Variants in TAFA5 observed in about 807,000 individuals in gnomAD.
TAFA5 encodes chemokine-like protein TAFA-5.
A neutral mutation model predicts 15.3 loss-of-function variants in TAFA5; 6 were observed. That is an observed-to-expected ratio of 0.39 (90% CI 0.21 to 0.77). TAFA5 has a LOEUF of 0.77. Among genes scored for constraint, TAFA5 ranks in the 30% least tolerant of loss-of-function variants. The pLI is 0.41. For missense variants in TAFA5, 161 were observed against 193.1 expected, an observed-to-expected ratio of 0.83 and a Z score of 0.98; for synonymous variants, 103 against 80.7, an observed-to-expected ratio of 1.28 and a Z score of -1.48.
chr22:48,519,002 T>A (rs1210759533), intron 1 of TAFA5, among the ~76,000 whole-genome samples: 5 of 152,014 alleles, frequency 3.3e-5, no homozygotes, highest in Non-Finnish European at 7.4e-5. Context: ...GGCTCACGTC[T>A]GCAGTGCAGC....
chr22:48,562,118 T>C (rs538878993), intron 1 of TAFA5, among the ~76,000 whole-genome samples: 1 of 152,270 alleles, frequency 6.6e-6, no homozygotes, highest in African/African-American at 2.4e-5. Context: ...AGCCCCCTCA[T>C]TTCCCCAGAG....
At chr22:48,721,584 A>G (rs1446407908) in intron 3 of TAFA5, among the ~76,000 whole-genome samples, 2 of 152,230 alleles carry the variant, frequency 1.3e-5, no homozygotes, top group Admixed American at 6.5e-5. Flanking sequence ...ATTGGTTTAT[A>G]ATCCTTATAA....
At chr22:48,610,651 G>A (rs1022316606) in intron 1 of TAFA5, among the ~76,000 whole-genome samples, 8 of 151,030 alleles carry the variant, frequency 5.3e-5, no homozygotes, top group African/African-American at 1.2e-4. Flanking sequence ...GCTTCGGGCC[G>A]TGTTGAGCTG....
At chr22:48,577,751 C>T (rs1314445283) in intron 1 of TAFA5, among the ~76,000 whole-genome samples, 3 of 152,190 alleles carry the variant, frequency 2.0e-5, no homozygotes, top group Non-Finnish European at 2.9e-5. Flanking sequence ...TGGATGTGGG[C>T]ACCTAGTACA....
chr22:48,541,967 C>T (rs943700849), intron 1 of TAFA5, among the ~76,000 whole-genome samples: 4 of 152,096 alleles, frequency 2.6e-5, no homozygotes, highest in Non-Finnish European at 4.4e-5. Flanking sequence ...GAGTGCAGGG[C>T]CTGGGAGGCC....
At chr22:48,578,283 C>T (rs1349188662) in intron 1 of TAFA5, among the ~76,000 whole-genome samples, 10 of 152,218 alleles carry the variant, frequency 6.6e-5, no homozygotes, top group Admixed American at 6.5e-4. Flanking sequence ...GGGAGAAGCT[C>T]CTGGCCATGT....
At chr22:48,501,178 A>G (rs559411593) in intron 1 of TAFA5, among the ~76,000 whole-genome samples, 4 of 152,174 alleles carry the variant, frequency 2.6e-5, no homozygotes, top group Admixed American at 6.5e-5. Flanking sequence ...CGCTGCCACA[A>G]GACTGGCTCG....
chr22:48,512,030 G>T (rs1005557554), intron 1 of TAFA5, among the ~76,000 whole-genome samples: 1 of 152,212 alleles, frequency 6.6e-6, no homozygotes, highest in South Asian at 2.1e-4. Context: ...ACCAGAAGCT[G>T]ATGGCCACGG....
intron 1 of TAFA5, among the ~76,000 whole-genome samples, chr22:48,536,404 C>T (rs973171666): frequency 5.3e-5 from 8 of 152,230 alleles, no homozygotes; most frequent in African/African-American, 9.6e-5. Flanking sequence ...AGAGGCAGGC[C>T]GTCCTTTCAG....
intron 1 of TAFA5, among the ~76,000 whole-genome samples, chr22:48,578,132 G>C (rs1017610197): frequency 6.6e-6 from 1 of 152,244 alleles, no homozygotes; most frequent in South Asian, 2.1e-4. Context: ...GGCTGATCTC[G>C]AAGTCTCTGG....
chr22:48,546,357 C>A (rs920063389), intron 1 of TAFA5, among the ~76,000 whole-genome samples: 3 of 152,180 alleles, frequency 2.0e-5, no homozygotes, highest in African/African-American at 7.2e-5. Context: ...ACTGCAAAGT[C>A]CTTGATTAAT....
intron 1 of TAFA5, among the ~76,000 whole-genome samples, chr22:48,500,351 G>A (rs1274610700): frequency 2.0e-5 from 3 of 152,180 alleles, no homozygotes; most frequent in Non-Finnish European, 2.9e-5. Context: ...GGGACTGATG[G>A]GATTTTGCTT....
intron 1 of TAFA5, among the ~76,000 whole-genome samples, chr22:48,500,467 C>G (rs139406127): frequency 6.6e-6 from 1 of 152,226 alleles, no homozygotes; most frequent in African/African-American, 2.4e-5. Context: ...TGAGCTTGCA[C>G]AGACGGGTGA....
At chr22:48,690,225 C>T (rs916828784) in intron 2 of TAFA5, among the ~76,000 whole-genome samples, 1 of 152,190 alleles carries the variant, frequency 6.6e-6, no homozygotes, top group Non-Finnish European at 1.5e-5. Context: ...CCTTCTCCCA[C>T]CCCATCTCCT....
intron 3 of TAFA5, among the ~76,000 whole-genome samples, chr22:48,713,591 G>C (rs1323244961): frequency 6.6e-6 from 1 of 152,228 alleles, no homozygotes; most frequent in Non-Finnish European, 1.5e-5. Context: ...TCTGGGAAAG[G>C]TTCTGTGGTC....
chr22:48,564,138 G>C (rs1354803335), intron 1 of TAFA5, among the ~76,000 whole-genome samples: 1 of 152,238 alleles, frequency 6.6e-6, no homozygotes, highest in Non-Finnish European at 1.5e-5. Context: ...TGGTCACGCT[G>C]TGGGCAGCTG....
chr22:48,643,585 C>A (rs1926760254), intron 1 of TAFA5, among the ~76,000 whole-genome samples: 1 of 152,196 alleles, frequency 6.6e-6, no homozygotes, highest in Non-Finnish European at 1.5e-5. Flanking sequence ...CTGGCCATGC[C>A]AAAGCCCTGG....
chr22:48,665,399 T>C, intron 2 of TAFA5, among the ~76,000 whole-genome samples: 1 of 152,224 alleles, frequency 6.6e-6, no homozygotes, highest in East Asian at 1.9e-4. Context: ...CTAAGTCGAA[T>C]TGATTCATCT....
At chr22:48,646,320 C>G (rs1027697248) in intron 1 of TAFA5, among the ~76,000 whole-genome samples, 1 of 152,196 alleles carries the variant, frequency 6.6e-6, no homozygotes, top group African/African-American at 2.4e-5. Flanking sequence ...AAAGATGGGG[C>G]TGTGTTTAAT....
Sources: gnomAD v4.1 joint callset for allele counts (sites outside exome capture counted in the v4.1 genomes callset) on GRCh38, gnomAD v4.1.1 for gene constraint, MANE v1.5 for transcripts, NCBI Gene and HGNC (gene_info 2026-07-23, HGNC 2026-07-21) for gene names.